TTC39C: variants seen among roughly 807,000 people sequenced by gnomAD.
TTC39C encodes the protein tetratricopeptide repeat protein 39C.
In TTC39C, 33 loss-of-function variants were observed where a neutral mutation model predicts 76.3. The observed-to-expected ratio is 0.43, with a 90% confidence interval of 0.33 to 0.58. The LOEUF (loss-of-function observed/expected upper bound fraction) is 0.58, where lower values mean the gene tolerates loss of function less well. Among genes scored for constraint, TTC39C ranks in the 20% least tolerant of loss-of-function variants. The pLI, the probability that TTC39C is intolerant of heterozygous loss-of-function variation, is 0.04. For synonymous variants in TTC39C, 254 were observed against 260.6 expected (o/e 0.97, Z 0.24); for missense variants, 595 against 701.4 (o/e 0.85, Z 1.71).
intron 1 of TTC39C, among the ~76,000 whole-genome samples, chr18:24,024,402 A>C (rs1169549084): frequency 6.6e-6 from 1 of 152,066 alleles, no homozygotes; most frequent in Non-Finnish European, 1.5e-5. Flanking sequence ...ATAATGAAGA[A>C]ATTTGGATTT....
chr18:24,081,887 G>T (rs186501681), intron 5 of TTC39C, among the ~76,000 whole-genome samples: 18 of 152,058 alleles, frequency 1.2e-4, no homozygotes, highest in African/African-American at 4.1e-4. Context: ...CTCTGATAAA[G>T]AAATGAATAG....
intron 6 of TTC39C, among the ~76,000 whole-genome samples, chr18:24,084,857 G>T (rs556126782): frequency 1.3e-5 from 2 of 152,126 alleles, no homozygotes; most frequent in East Asian, 1.9e-4. Flanking sequence ...TAGAGATGGG[G>T]TCTCCCTATT....
At chr18:23,995,362 CAG>C (rs2083252898) in intron 1 of TTC39C, among the ~76,000 whole-genome samples, 1 of 152,032 alleles carries the variant, frequency 6.6e-6, no homozygotes, top group Admixed American at 6.6e-5. Context: ...CCCAGCTACT[CAG>C]GGGGCTGAGG....
intron 1 of TTC39C, among the ~76,000 whole-genome samples, chr18:24,037,407 G>A (rs1379893713): frequency 1.3e-5 from 2 of 152,202 alleles, no homozygotes; most frequent in Non-Finnish European, 2.9e-5. Flanking sequence ...CTGGCATGTA[G>A]TAGGTACTCA....
chr18:24,020,625 C>T (rs190709438), intron 1 of TTC39C, among the ~76,000 whole-genome samples: 17 of 152,290 alleles, frequency 1.1e-4, no homozygotes, highest in Non-Finnish European at 2.4e-4. Flanking sequence ...TACCTGAAAT[C>T]GTCTGGTAAC....
At chr18:24,098,196 G>A (rs1168720252) in intron 6 of TTC39C, among the ~76,000 whole-genome samples, 1 of 152,020 alleles carries the variant, frequency 6.6e-6, no homozygotes, top group African/African-American at 2.4e-5. Flanking sequence ...CTGAGGATAT[G>A]TCTTCATTTA....
At chr18:24,018,897 C>G (rs1305489338) in intron 1 of TTC39C, among the ~76,000 whole-genome samples, 1 of 152,162 alleles carries the variant, frequency 6.6e-6, no homozygotes, top group Non-Finnish European at 1.5e-5. Flanking sequence ...CTTCCTACCA[C>G]TGGTCAGTCC....
intron 1 of TTC39C, among the ~76,000 whole-genome samples, chr18:24,054,312 G>GTTGGC (rs1373257905): frequency 1.3e-5 from 2 of 152,150 alleles, no homozygotes; most frequent in African/African-American, 2.4e-5. Context: ...ATTCTGTTTG[G>GTTGGC]TTGGCTGGAT....
At chr18:24,013,200 T>C (rs939144844), upstream of TTC39C, among the ~76,000 whole-genome samples, 1 of 152,254 alleles carries the variant, frequency 6.6e-6, no homozygotes, top group Non-Finnish European at 1.5e-5. Context: ...CAGTGACTCC[T>C]GCATTACAAC....
At chr18:24,063,840 T>C (rs1179202463) in intron 1 of TTC39C, among the ~76,000 whole-genome samples, 3 of 152,192 alleles carry the variant, frequency 2.0e-5, no homozygotes, top group African/African-American at 4.8e-5. Flanking sequence ...ATATTTACTG[T>C]GTCAACTCTT....
At chr18:24,091,546 A>G (rs536206438) in intron 6 of TTC39C, among the ~76,000 whole-genome samples, 1 of 152,340 alleles carries the variant, frequency 6.6e-6, no homozygotes, top group South Asian at 2.1e-4. Flanking sequence ...AAGATCTAAA[A>G]CTGTAGAACC....
chr18:24,113,881 A>T (rs1378178294), intron 6 of TTC39C: 2 of 558,010 alleles, frequency 3.6e-6, no homozygotes, highest in Admixed American at 6.2e-5. Flanking sequence ...TATGTGAATG[A>T]AAGTGTTGGA....
chr18:24,129,960 A>G (rs1260877144), intron 11 of TTC39C, among the ~76,000 whole-genome samples: 1 of 152,194 alleles, frequency 6.6e-6, no homozygotes, highest in Non-Finnish European at 1.5e-5. Flanking sequence ...ACGCATGTCG[A>G]GATCATAGTT....
At chr18:24,112,960 T>A (rs1473477436) in intron 6 of TTC39C, among the ~76,000 whole-genome samples, 1 of 152,224 alleles carries the variant, frequency 6.6e-6, no homozygotes, top group Non-Finnish European at 1.5e-5. Flanking sequence ...GGATTGATTT[T>A]TTTTTTTTAA....
intron 4 of TTC39C, among the ~76,000 whole-genome samples, chr18:24,076,033 G>C (rs1050238918): frequency 6.6e-6 from 1 of 152,192 alleles, no homozygotes; most frequent in Non-Finnish European, 1.5e-5. Context: ...CTGGAGTGCA[G>C]TGGCACAATC....
chr18:24,117,968 G>T lies in TTC39C; in HGVS notation c.1079-157G>T, dbSNP rs183108525. On this transcript the variant is annotated intron_variant, in intron 7 of 13. Transcript: ENST00000317571. The stretch of plus-strand genomic sequence containing the variant: ...CAAACTTTACATTGAAAGTATTTAA[G>T]GGAAAAAATAATTTCTTAGGTTTTC... 8.7e-4 allele frequency among the ~76,000 whole-genome samples: 132 copies of T among 152,250 alleles called. 1 individual carries two copies. In the Middle Eastern group the frequency reaches 0.02, roughly 24 times the overall value.
At chr18:23,996,133 G>T (rs1461391449) in intron 1 of TTC39C, among the ~76,000 whole-genome samples, 1 of 152,148 alleles carries the variant, frequency 6.6e-6, no homozygotes, top group Non-Finnish European at 1.5e-5. Context: ...CTTCATTGGG[G>T]TTTAGTTTAC....
chr18:24,129,123 C>T (rs2085089585), intron 11 of TTC39C, 140 bp downstream of exon 11: 1 of 565,638 alleles, frequency 1.8e-6, no homozygotes, highest in African/African-American at 1.9e-5. Context: ...TGATTAATGC[C>T]ATCTTCTCAG....
chr18:24,045,900 T>TATATATATATATATATGTATATGTAC (rs1568417230), intron 1 of TTC39C, among the ~76,000 whole-genome samples: 9 of 38,138 alleles, frequency 2.4e-4, no homozygotes, highest in African/African-American at 1.3e-3. Flanking sequence ...AAAATATATA[T>TATATATATATATATATGTATATGTAC]ATATATATAT....
Sources: gnomAD v4.1 joint callset for allele counts (sites outside exome capture counted in the v4.1 genomes callset) on GRCh38, gnomAD v4.1.1 for gene constraint, MANE v1.5 for transcripts, NCBI Gene and HGNC (gene_info 2026-07-23, HGNC 2026-07-21) for gene names.